CCDC171: variants seen among roughly 807,000 people sequenced by gnomAD.
CCDC171 encodes coiled-coil domain containing 171.
CCDC171 carries 177 observed loss-of-function variants against 168.2 expected under a neutral mutation model. The observed-to-expected ratio is 1.05, with a 90% CI of 0.93 to 1.19. The LOEUF (loss-of-function observed/expected upper bound fraction) is 1.19, where lower values mean the gene tolerates loss of function less well. Ranked by LOEUF, CCDC171 falls within the 50% of genes most tolerant of loss-of-function variation. CCDC171 has a pLI of 0.00. For missense variants in CCDC171, 1,991 were observed against 1,539.0 expected (o/e 1.29, Z -4.91); for synonymous variants, 687 against 540.8 (o/e 1.27, Z -3.75).
chr9:15,666,044 C>G, intron 8 of CCDC171, 119 bp from the exon 9 acceptor site: 1 of 825,470 alleles, frequency 1.2e-6, no homozygotes, highest in Non-Finnish European at 1.8e-6. Context: ...TAAGCCAAAG[C>G]AGAAAGAAAG....
chr9:16,035,244 C>T (rs527691425), intron 6 of CCDC171, among the ~76,000 whole-genome samples: 28 of 152,296 alleles, frequency 1.8e-4, no homozygotes, highest in African/African-American at 5.8e-4. Flanking sequence ...AAAGAATCCA[C>T]AGGAGGATTT....
intron 1 of CCDC171, among the ~76,000 whole-genome samples, chr9:15,554,012 C>G (rs1024059742): frequency 6.9e-5 from 10 of 144,646 alleles, no homozygotes; most frequent in Admixed American, 5.1e-4. Flanking sequence ...AAAGAACATA[C>G]GATTTTGTCA....
At chr9:15,812,397 G>A (rs749780463) in intron 21 of CCDC171, among the ~76,000 whole-genome samples, 4 of 152,168 alleles carry the variant, frequency 2.6e-5, no homozygotes, top group Non-Finnish European at 5.9e-5. Context: ...CACATGCACT[G>A]GTTGGAAGCA....
At chr9:15,965,546 A>T (rs1830712195) in intron 25 of CCDC171, among the ~76,000 whole-genome samples, 1 of 152,248 alleles carries the variant, frequency 6.6e-6, no homozygotes, top group South Asian at 2.1e-4. Context: ...AGATAATTGT[A>T]GTGCTTTCTG....
At chr9:15,911,538 C>G (rs183409910) in intron 24 of CCDC171, among the ~76,000 whole-genome samples, 14 of 152,300 alleles carry the variant, frequency 9.2e-5, no homozygotes, top group South Asian at 4.1e-4. Flanking sequence ...TGTGCAGAAG[C>G]TCTTTAGTTT....
intron 4 of CCDC171, among the ~76,000 whole-genome samples, chr9:15,585,164 C>T (rs539016562): frequency 2.6e-5 from 4 of 152,154 alleles, no homozygotes; most frequent in African/African-American, 9.6e-5. Flanking sequence ...ATGATACAGC[C>T]ACTTTAGAAA....
At chr9:16,026,818 TATC>T (rs529594129) in intron 6 of CCDC171, among the ~76,000 whole-genome samples, 158 of 152,376 alleles carry the variant, frequency 1.0e-3, no homozygotes, top group African/African-American at 3.6e-3. Context: ...CAAAAATGTT[TATC>T]ATCTATATTT....
chr9:15,779,912 T>C (rs1245405303), intron 20 of CCDC171, among the ~76,000 whole-genome samples: 2 of 152,238 alleles, frequency 1.3e-5, no homozygotes, highest in East Asian at 3.8e-4. Context: ...GGGATAGTTA[T>C]TAACATTGCT....
At chr9:15,894,398 C>T (rs955074331) in intron 24 of CCDC171, among the ~76,000 whole-genome samples, 1 of 152,028 alleles carries the variant, frequency 6.6e-6, no homozygotes, top group African/African-American at 2.4e-5. Flanking sequence ...TGTAACAAAC[C>T]TACACATCCT....
At chr9:15,598,307 T>C (rs201188290) in intron 6 of CCDC171, among the ~76,000 whole-genome samples, 59 of 152,212 alleles carry the variant, frequency 3.9e-4, no homozygotes, top group Admixed American at 3.6e-3. Flanking sequence ...TTTCCCTCTA[T>C]ACACTGGTTT....
chr9:15,620,742 C>G (rs2044436491), intron 6 of CCDC171, among the ~76,000 whole-genome samples: 1 of 152,198 alleles, frequency 6.6e-6, no homozygotes, highest in Non-Finnish European at 1.5e-5. Context: ...TTGCATGCTA[C>G]AGAGAAACCT....
At chr9:15,918,918 T>A (rs960758306) in intron 24 of CCDC171, among the ~76,000 whole-genome samples, 2 of 151,670 alleles carry the variant, frequency 1.3e-5, no homozygotes, top group African/African-American at 4.8e-5. Context: ...ATCCATTCAT[T>A]CTTCAAAGCA....
chr9:15,581,541 A>C (rs981918498), intron 4 of CCDC171, among the ~76,000 whole-genome samples: 1 of 152,112 alleles, frequency 6.6e-6, no homozygotes, highest in Admixed American at 6.6e-5. Context: ...TACTACAAGA[A>C]TACAGTAACC....
chr9:15,861,395 C>G (rs2061552243), intron 23 of CCDC171, among the ~76,000 whole-genome samples: 1 of 151,674 alleles, frequency 6.6e-6, no homozygotes, highest in Non-Finnish European at 1.5e-5. Flanking sequence ...TTTTGGAGTT[C>G]CAGAGCTTTT....
rs370462399 is a variant in CCDC171 at position 15,792,085 on chromosome 9, G to A, written c.3267+7391G>A. 9.9e-5 allele frequency among the ~76,000 whole-genome samples: 15 copies of A among 151,954 alleles called. No individual in the cohort carries two copies. The East Asian group carries it at 2.5e-3, about 25-fold the overall frequency. On this transcript the variant is annotated intron_variant, in intron 21 of 25. Transcript: ENST00000380701. Reference sequence around the variant, plus strand: ...AGCTAAAAACCTTGAAAAAAGGTTAGACGAATGGCTAACTAGAATAACCAA... The same window carrying A: ...AGCTAAAAACCTTGAAAAAAGGTTAAACGAATGGCTAACTAGAATAACCAA...
intron 20 of CCDC171, among the ~76,000 whole-genome samples, chr9:15,780,004 A>G (rs1339353831): frequency 6.6e-6 from 1 of 152,242 alleles, no homozygotes; most frequent in Non-Finnish European, 1.5e-5. Context: ...CAGCTACTAT[A>G]ACTTCAGTTT....
At chr9:15,642,713 A>C (rs2132564414) in intron 7 of CCDC171, among the ~76,000 whole-genome samples, 1 of 152,260 alleles carries the variant, frequency 6.6e-6, no homozygotes, top group African/African-American at 2.4e-5. Flanking sequence ...CAGTAATAAT[A>C]AGCACCTTAT....
chr9:15,906,057 G>A (rs1264676455), intron 24 of CCDC171, among the ~76,000 whole-genome samples: 1 of 152,170 alleles, frequency 6.6e-6, no homozygotes, highest in African/African-American at 2.4e-5. Context: ...AAAAAATCCA[G>A]GACCAGATGG....
chr9:15,585,870 G>C (rs910419078), intron 4 of CCDC171, among the ~76,000 whole-genome samples: 5 of 152,032 alleles, frequency 3.3e-5, no homozygotes, highest in Non-Finnish European at 7.4e-5. Context: ...CAACTACTCA[G>C]GAGGCTGAGG....
Sources: allele counts gnomAD v4.1 joint callset (sites outside exome capture counted in the v4.1 genomes callset), GRCh38; gene constraint gnomAD v4.1.1; transcripts MANE v1.5; gene names NCBI Gene and HGNC (gene_info 2026-07-23, HGNC 2026-07-21).